PSME4: variants seen among roughly 807,000 people sequenced by gnomAD.
PSME4 encodes proteasome activator subunit 4.
A neutral mutation model predicts 253.9 loss-of-function variants in PSME4; 89 were observed. That is an observed-to-expected ratio of 0.35 (90% CI 0.30 to 0.42). PSME4 has a LOEUF of 0.42. Among genes scored for constraint, PSME4 ranks in the 10% least tolerant of loss-of-function variants. The probability of loss-of-function intolerance (pLI) is 1.00; values close to 1 mark genes in which losing one functional copy is unlikely to be tolerated. For synonymous variants in PSME4, 851 were observed against 759.2 expected (o/e 1.12, Z -1.99); for missense variants, 2,014 against 2,195.2 (o/e 0.92, Z 1.65).
chr2:53,968,963 T>C (rs1670881590), intron 1 of PSME4, among the ~76,000 whole-genome samples: 1 of 152,194 alleles, frequency 6.6e-6, no homozygotes, highest in Admixed American at 6.5e-5. Flanking sequence ...CATATTTATA[T>C]AATGTACACT....
rs1420802523 is a variant in PSME4 at position 53,940,896 on chromosome 2, AATATATATAATACATATTTAAAT to A, written c.501-919_501-897del. 9.2e-3 allele frequency among the ~76,000 whole-genome samples: 1,048 copies of A among 113,482 alleles called. 53 individuals are homozygous for A. Among genetic ancestry groups the A allele is most frequent in the Admixed American group, 0.058 (556 of 9,636 alleles). The allele number at this position is 113,482 out of a possible 152,430, so 74.4% of individuals were successfully genotyped here. ...TTTAAATATATATAATACATATTTA[AATATATATAATACATATTTAAAT>A]ATATATATAATACATATATAAATAT... On this transcript the variant is annotated intron_variant, in intron 3 of 46. Transcript: ENST00000404125.
At chr2:53,922,284 C>T (rs1414790666) in intron 17 of PSME4, among the ~76,000 whole-genome samples, 1 of 152,146 alleles carries the variant, frequency 6.6e-6, no homozygotes, top group Admixed American at 6.5e-5. Context: ...TAATGAGTTA[C>T]CCATATTAGA....
At chr2:53,874,024 A>T (rs1679010763) in intron 43 of PSME4, among the ~76,000 whole-genome samples, 1 of 152,206 alleles carries the variant, frequency 6.6e-6, no homozygotes, top group African/African-American at 2.4e-5. Flanking sequence ...ATGCAGTGGT[A>T]CAATCACAGC....
intron 33 of PSME4, 105 bp from the exon 34 acceptor site, chr2:53,895,181 T>C (rs1680086683): frequency 1.0e-6 from 1 of 955,014 alleles, no homozygotes; most frequent in South Asian, 1.6e-5. Context: ...AACTAGATGC[T>C]AAGTTTGGGG....
In PSME4 at chr2:53,924,558, T is replaced by C. The variant is rs958993702; in HGVS notation, c.1809+981A>G. On this transcript the variant is annotated intron_variant, in intron 14 of 46. Transcript: ENST00000404125. ...AATTTCTATCATGGGAGTGATGTCA[T>C]AAGCAATTTCTAAAACTCAGCTGAG... Among the ~76,000 whole-genome samples the C allele has an allele frequency of 2.6e-5, 4 of 152,324 alleles. No individual in the cohort carries two copies. The South Asian group carries it at 8.3e-4, about 32-fold the overall frequency.
rs1041852563 is a variant in PSME4, at chr2:53,874,578, T to C, written c.4945-84A>G. The C allele has an allele frequency of 3.0e-5, 38 of 1,263,970 alleles. No individual in the cohort carries two copies. The Middle Eastern group carries it at 1.5e-3, about 49-fold the overall frequency. 78.3% of individuals were successfully genotyped at this position (1,263,970 alleles called of 1,614,324 possible). ...AGATAGTGACATTACACACAAACAA[T>C]GTAATATTCTAATTTAACTCTATTT... On this transcript the variant is annotated intron_variant, in intron 42 of 46. Coordinates refer to ENST00000404125, the MANE Select transcript of PSME4 (RefSeq NM_014614.3).
chr2:53,869,580 C>G (rs749025798), intron 43 of PSME4, 42 bp from the exon 44 acceptor site: 11 of 1,416,708 alleles, frequency 7.8e-6, no homozygotes, highest in Non-Finnish European at 1.0e-5. Flanking sequence ...CATTCTAAGT[C>G]TGAGGGAATA....
At chr2:53,927,905 G>A (rs560612960) in intron 11 of PSME4, among the ~76,000 whole-genome samples, 18 of 152,206 alleles carry the variant, frequency 1.2e-4, no homozygotes, top group South Asian at 2.1e-4. Flanking sequence ...AGCCGAGGTC[G>A]CGCCACTGCA....
intron 20 of PSME4, among the ~76,000 whole-genome samples, chr2:53,910,691 C>A (rs1667792304): frequency 6.6e-6 from 1 of 152,160 alleles, no homozygotes; most frequent in Admixed American, 6.5e-5. Context: ...TAGCCCTGCT[C>A]CACAAGGCTA....
Position 53,885,749 on chromosome 2 carries a change from C to T in PSME4, c.4756G>A (p.Gly1586Arg). The T allele has an allele frequency of 6.2e-7, 1 of 1,612,864 alleles. No homozygotes were observed. Among genetic ancestry groups the T allele is most frequent in the Non-Finnish European group, 8.5e-7 (1 of 1,179,118 alleles). The stretch of plus-strand genomic sequence containing the variant: ...GTAACTGCTGTAGAAAAGGATCTTC[C>T]TGCACTTGCCATCAGCCATTTCAAT... ...TILKWLMASAGRSFSTAVTEQ... is the reference protein window; with the variant it reads ...TILKWLMASARRSFSTAVTEQ... The change falls in exon 41 of 47, where the codon GGA becomes AGA. Residue 1586 changes from glycine to arginine, a missense_variant. Gly to Arg is a moderately radical substitution (Grantham distance 125). Coordinates refer to ENST00000404125, the MANE Select transcript of PSME4 (RefSeq NM_014614.3).
Position 53,936,150 on chromosome 2 carries a change from A to C in PSME4, c.771T>G (p.Asn257Lys). The C allele has an allele frequency of 6.2e-7, 1 of 1,613,650 alleles. No individual in the cohort carries two copies. The highest frequency in any genetic ancestry group is 1.3e-5 in the African/African-American group (1 of 75,002). The change falls in exon 7 of 47, where the codon AAT (asparagine) becomes AAG (lysine). Residue 257 changes from asparagine to lysine, a missense_variant. Asn to Lys is a moderately conservative substitution (Grantham distance 94). This residue lies in a region of PSME4 where 615 missense variants were observed against 594.4 expected (regional missense o/e 1.03). Transcript: ENST00000404125. ...TATCTGTAGCCAATCGAGCAAAGAGATTTACTAGTTGCTGAAAGTAAACAA... is the reference window on the plus strand; with the variant it reads ...TATCTGTAGCCAATCGAGCAAAGAGCTTTACTAGTTGCTGAAAGTAAACAA... ...NLPQWEGQLV[N>K]LFARLATDNI... is the part of the protein sequence containing the mutation.
At chr2:53,958,773 A>G (rs1437862556) in intron 1 of PSME4, among the ~76,000 whole-genome samples, 1 of 152,098 alleles carries the variant, frequency 6.6e-6, no homozygotes, top group African/African-American at 2.4e-5. Context: ...AACTTAAAAA[A>G]AAAACACTTT....
chr2:53,934,378 C>T (rs1454571206), intron 8 of PSME4, among the ~76,000 whole-genome samples: 1 of 152,138 alleles, frequency 6.6e-6, no homozygotes, highest in African/African-American at 2.4e-5. Flanking sequence ...TCCCTCAAAA[C>T]CCTAGATTTT....
intron 1 of PSME4, among the ~76,000 whole-genome samples, chr2:53,969,346 G>A (rs1455160679): frequency 2.0e-5 from 3 of 152,098 alleles, no homozygotes; most frequent in African/African-American, 7.2e-5. Flanking sequence ...TAATTAAAAA[G>A]GTCCCACCCA....
At chr2:53,910,235 T>C (rs1667769335) in intron 20 of PSME4, 105 bp from the exon 21 acceptor site, 3 of 880,752 alleles carry the variant, frequency 3.4e-6, no homozygotes. Context: ...AAGATAATGT[T>C]CTTTTAACAG....
At chr2:53,964,252 G>A (rs1573387568) in intron 1 of PSME4, among the ~76,000 whole-genome samples, 1 of 152,284 alleles carries the variant, frequency 6.6e-6, no homozygotes. Flanking sequence ...ATGTATGCAT[G>A]TGTAGAGACA....
chr2:53,935,490 G>T (rs1177160823), intron 7 of PSME4, among the ~76,000 whole-genome samples: 1 of 152,148 alleles, frequency 6.6e-6, no homozygotes, highest in Admixed American at 6.5e-5. Context: ...TACCACAGGT[G>T]AAATAGTACT....
chr2:53,923,100 A>G lies in PSME4; in HGVS notation c.1927T>C (p.Leu643=), dbSNP rs3213775. Residue 643 remains leucine, a synonymous_variant, in exon 16 of 47, where the codon TTG becomes CTG. Coordinates refer to ENST00000404125, the MANE Select transcript of PSME4 (RefSeq NM_014614.3). Reference sequence around the variant, plus strand: ...CAGCAGTGGGGAACAAAGAGCTTCAAAGATTCTTCTGGGCAGCACTGAAAA... The same window carrying G: ...CAGCAGTGGGGAACAAAGAGCTTCAGAGATTCTTCTGGGCAGCACTGAAAA... ...AAVKCCPEES[L]KLFVPHCCSV... is the part of the protein sequence containing the mutation. 0.085 allele frequency: 135,729 copies of G among 1,606,208 alleles called. 7,084 individuals are homozygous for G. The highest frequency in any genetic ancestry group is 0.26 in the East Asian group (11,563 of 44,578).
chr2:53,927,685 A>T (rs1212687260), intron 11 of PSME4, among the ~76,000 whole-genome samples: 1 of 152,134 alleles, frequency 6.6e-6, no homozygotes, highest in Non-Finnish European at 1.5e-5. Context: ...AGTGGCTCAC[A>T]CCTGTAATCC....
Sources: gnomAD v4.1 joint callset for allele counts (sites outside exome capture counted in the v4.1 genomes callset) on GRCh38, gnomAD v4.1.1 for gene constraint, gnomAD v4.1.1 regional missense constraint, MANE v1.5 for transcripts, NCBI Gene and HGNC (gene_info 2026-07-23, HGNC 2026-07-21) for gene names.